CNR2: variants seen among roughly 807,000 people sequenced by gnomAD.
CNR2 encodes cannabinoid receptor 2.
For missense variants in CNR2, 379 were observed against 439.9 expected, an observed-to-expected ratio of 0.86 and a Z score of 1.24; for synonymous variants, 172 against 182.2, an observed-to-expected ratio of 0.94 and a Z score of 0.45.
chr1:23,907,208 A>T (rs1640506888), intron 1 of CNR2: 2 of 152,038 alleles, frequency 1.3e-5, no homozygotes, highest in African/African-American at 4.8e-5. Flanking sequence ...CAGCCTGGCC[A>T]ACATGGTGAA....
At chr1:23,886,346 G>C (rs1168550793) in intron 1 of CNR2, among the ~76,000 whole-genome samples, 1 of 152,146 alleles carries the variant, frequency 6.6e-6, no homozygotes, top group Non-Finnish European at 1.5e-5. Context: ...ATACGGCCCT[G>C]TCTAGAAGCC....
At chr1:23,902,921 G>C (rs1332185798) in intron 1 of CNR2, among the ~76,000 whole-genome samples, 22 of 151,240 alleles carry the variant, frequency 1.5e-4, no homozygotes, top group Non-Finnish European at 3.1e-4. Flanking sequence ...CGCCATCCTC[G>C]AGGGCGGGGC....
intron 1 of CNR2, among the ~76,000 whole-genome samples, chr1:23,881,207 C>T (rs530988798): frequency 7.2e-5 from 11 of 151,824 alleles, no homozygotes; most frequent in South Asian, 6.2e-4. Flanking sequence ...ACCCAGGAGG[C>T]GGAGTTTGCA....
rs1202560631 is a variant in CNR2, at chr1:23,874,978, A to G, written c.640T>C (p.Trp214Arg). 2 of 1,610,024 alleles carry G rather than the reference A, an allele frequency of 1.2e-6. No homozygotes were observed. The highest frequency in any genetic ancestry group is 1.7e-5 in the Admixed American group (1 of 59,658). Residue 214 changes from tryptophan to arginine, a missense_variant, in exon 2 of 2, where the codon TGG (tryptophan) becomes CGG (arginine). Physicochemically the swap from Trp to Arg is moderately radical, Grantham distance 101. Transcript: ENST00000374472. ...GIIYTYGHVL[W>R]KAHQHVASLS... is the part of the protein sequence containing the mutation. ...CTGGCCACATGCTGATGGGCCTTCCAGAGAACATGCCCATAGGTGTAGATG... is the reference window on the plus strand; with the variant it reads ...CTGGCCACATGCTGATGGGCCTTCCGGAGAACATGCCCATAGGTGTAGATG...
At chr1:23,912,964 C>T (rs905061731) in intron 1 of CNR2, among the ~76,000 whole-genome samples, 2 of 152,104 alleles carry the variant, frequency 1.3e-5, no homozygotes, top group African/African-American at 4.8e-5. Context: ...GTCGGGAGTT[C>T]GAGACCAGCC....
intron 1 of CNR2, chr1:23,901,867 G>A (rs1640405622): frequency 1.9e-6 from 3 of 1,609,426 alleles, no homozygotes; most frequent in South Asian, 2.2e-5. Flanking sequence ...CGCAGCGCCC[G>A]CAGTACTGGC....
At chr1:23,882,066 T>G (rs1019265212) in intron 1 of CNR2, among the ~76,000 whole-genome samples, 2 of 151,516 alleles carry the variant, frequency 1.3e-5, no homozygotes, top group East Asian at 2.0e-4. Context: ...GGATTACAGG[T>G]GCCTGCCACC....
In CNR2 at chr1:23,909,140, C is replaced by T. The variant is rs114666324; in HGVS notation, c.-46+4106G>A. ...GGGGCCCCAGCAGCCTTCACTCCCT[C>T]GCCTGCTGGGGAATCCTTCCCTCCC... is the stretch of plus-strand genomic sequence containing the variant. On this transcript the variant is annotated intron_variant, in intron 1 of 1. Coordinates refer to ENST00000374472, the MANE Select transcript of CNR2 (RefSeq NM_001841.3). 4.1e-3 allele frequency among the ~76,000 whole-genome samples: 617 copies of T among 152,168 alleles called. 3 individuals carry two copies. The highest frequency in any genetic ancestry group is 0.014 in the African/African-American group (588 of 41,498).
intron 1 of CNR2, among the ~76,000 whole-genome samples, chr1:23,905,837 G>A (rs1381667136): frequency 1.3e-5 from 2 of 152,132 alleles, no homozygotes; most frequent in African/African-American, 4.8e-5. Flanking sequence ...GCATCTGTTG[G>A]CTTTTGGTCC....
chr1:23,870,655 G>A lies in CNR2; in HGVS notation c.*3880C>T, dbSNP rs147054233. ...GTGAACCTGCAGGGACAGGTGAGAG[G>A]CACTGATGTAGAGTGGACAGAACTG... is the stretch of plus-strand genomic sequence containing the variant. On this transcript the variant is annotated 3_prime_UTR_variant, in exon 2 of 2. Transcript: ENST00000374472. 2 of 152,286 alleles carry A rather than the reference G, an allele frequency of 1.3e-5. No individual in the cohort carries two copies. The highest frequency in any genetic ancestry group is 4.8e-5 in the African/African-American group (2 of 41,552). 9.4% of individuals were successfully genotyped at this position (152,286 alleles called of 1,614,324 possible).
chr1:23,874,385 A>G lies in CNR2; in HGVS notation c.*150T>C, dbSNP rs200719571. On this transcript the variant is annotated 3_prime_UTR_variant, in exon 2 of 2. Transcript: ENST00000374472. ...GGGCAAGGCCAGGCTGTCTTCCAGG[A>G]GTCAGTCCCAACACTCATCAGCAAA... The G allele has an allele frequency of 3.1e-5, 26 of 835,464 alleles. No individual in the cohort carries two copies. The highest frequency in any genetic ancestry group is 4.7e-5 in the Non-Finnish European group (25 of 535,948). 51.8% of individuals were successfully genotyped at this position (835,464 alleles called of 1,614,324 possible).
In CNR2 at chr1:23,870,553, A is replaced by G. The variant is rs1038046661; in HGVS notation, c.*3982T>C. The G allele has an allele frequency of 6.6e-6, 1 of 152,250 alleles. No individual in the cohort carries two copies. Among genetic ancestry groups the G allele is most frequent in the African/African-American group, 2.4e-5 (1 of 41,466 alleles). 9.4% of individuals were successfully genotyped at this position (152,250 alleles called of 1,614,324 possible). ...GGTTTGCATAGTGGTCTTTAATGTT[A>G]CAGAGCTTGTCTTGGGGAAGATAAA... On this transcript the variant is annotated 3_prime_UTR_variant, in exon 2 of 2. Transcript: ENST00000374472.
chr1:23,902,963 C>T (rs1187914344), intron 1 of CNR2, among the ~76,000 whole-genome samples: 1 of 151,570 alleles, frequency 6.6e-6, no homozygotes, highest in Non-Finnish European at 1.5e-5. Context: ...TGTGGACCCC[C>T]GCCCCGCGCC....
intron 1 of CNR2, among the ~76,000 whole-genome samples, chr1:23,905,186 C>CTTTT (rs1640468110): frequency 1.4e-5 from 2 of 148,010 alleles, no homozygotes; most frequent in African/African-American, 5.2e-5. Context: ...CTTTTCTTTT[C>CTTTT]TTTCTTTTTT....
At chr1:23,895,468 C>G (rs766627492) in intron 1 of CNR2, among the ~76,000 whole-genome samples, 5 of 152,152 alleles carry the variant, frequency 3.3e-5, no homozygotes, top group Non-Finnish European at 7.4e-5. Context: ...CCCAAAAACC[C>G]ATAGCAAGTG....
chr1:23,895,800 C>T (rs143401046), intron 1 of CNR2, among the ~76,000 whole-genome samples: 141 of 152,214 alleles, frequency 9.3e-4, no homozygotes, highest in African/African-American at 3.3e-3. Context: ...CCGTGCCCGG[C>T]CAGGACTTAA....
chr1:23,904,884 C>A (rs977899899), intron 1 of CNR2, among the ~76,000 whole-genome samples: 8 of 152,190 alleles, frequency 5.3e-5, no homozygotes, highest in Non-Finnish European at 1.2e-4. Context: ...TTCTGAATCA[C>A]CTGTGGTTTG....
At chr1:23,904,158 G>T (rs894804521) in intron 1 of CNR2, among the ~76,000 whole-genome samples, 1 of 150,778 alleles carries the variant, frequency 6.6e-6, no homozygotes, top group Non-Finnish European at 1.5e-5. Flanking sequence ...CAGAACTCTG[G>T]TTTTTTTGTT....
chr1:23,902,763 G>A (rs1187067558), intron 1 of CNR2: 1 of 1,501,466 alleles, frequency 6.7e-7, no homozygotes, highest in Admixed American at 2.2e-5. Flanking sequence ...GGGCTCTCCG[G>A]GTGGTTGTTG....
Sources: allele counts gnomAD v4.1 joint callset (sites outside exome capture counted in the v4.1 genomes callset), GRCh38; gene constraint gnomAD v4.1.1; transcripts MANE v1.5; gene names NCBI Gene and HGNC (gene_info 2026-07-23, HGNC 2026-07-21).